The following CDH4 variants were observed in gnomAD, a reference collection of about 807,000 sequenced individuals.
CDH4 encodes the protein cadherin-4.
A neutral mutation model predicts 86.0 loss-of-function variants in CDH4; 33 were observed. That is an observed-to-expected ratio of 0.38 (90% CI 0.29 to 0.51). The LOEUF (loss-of-function observed/expected upper bound fraction) is 0.51. Ranked by LOEUF, CDH4 falls within the 20% of genes least tolerant of loss-of-function variation. The pLI, the probability that CDH4 is intolerant of heterozygous loss-of-function variation, is 0.86. For missense variants in CDH4, 1,114 were observed against 1,307.4 expected, an observed-to-expected ratio of 0.85 and a Z score of 2.28; for synonymous variants, 555 against 549.4, an observed-to-expected ratio of 1.01 and a Z score of -0.14.
At chr20:61,473,803 GCA>G (rs1051706674) in intron 2 of CDH4, among the ~76,000 whole-genome samples, 1 of 151,556 alleles carries the variant, frequency 6.6e-6, no homozygotes, top group Non-Finnish European at 1.5e-5. Flanking sequence ...ACTCACAGAC[GCA>G]CACAGACACT....
At position 61,623,254 on chromosome 20, in the gene CDH4, C is replaced by T. The variant is rs1309753770; in HGVS notation, c.170-120309C>T. ...CTGCACCCCACTCACCACACTGCGG[C>T]GCCTGCTTTTTCCTTGAGCATCTGG... On this transcript the variant is annotated intron_variant, in intron 2 of 15. Coordinates refer to ENST00000614565, the MANE Select transcript of CDH4 (RefSeq NM_001794.5). The surrounding 1 kb of genome is among the most constrained non-coding windows in gnomAD (Gnocchi z 4.4). Among the ~76,000 whole-genome samples the T allele has an allele frequency of 6.6e-6, 1 of 152,124 alleles. No homozygotes were observed. Among genetic ancestry groups the T allele is most frequent in the South Asian group, 2.1e-4 (1 of 4,814 alleles).
chr20:61,859,014 G>A (rs979271994), intron 6 of CDH4, among the ~76,000 whole-genome samples: 2 of 152,262 alleles, frequency 1.3e-5, no homozygotes, highest in African/African-American at 4.8e-5. Flanking sequence ...CTGCCCCATC[G>A]CACACTCATC....
chr20:61,289,672 G>A (rs567402278), intron 2 of CDH4, among the ~76,000 whole-genome samples: 272 of 151,990 alleles, frequency 1.8e-3, no homozygotes, highest in Admixed American at 4.8e-3. Context: ...CATATCCAAC[G>A]AGACTTGCTG....
Position 61,720,287 on chromosome 20 carries a change from C to T in CDH4, c.170-23276C>T, listed in dbSNP as rs187128686. Reference sequence around the variant, plus strand: ...TGCTCTATGGGCCGCACCTCCTGGCCCCCCATCCTGCTCCGGATTCCACAG... The same window carrying T: ...TGCTCTATGGGCCGCACCTCCTGGCTCCCCATCCTGCTCCGGATTCCACAG... On this transcript the variant is annotated intron_variant, in intron 2 of 15. Transcript: ENST00000614565. 5.3e-5 allele frequency among the ~76,000 whole-genome samples: 8 copies of T among 152,236 alleles called. No homozygotes were observed. In the East Asian group the frequency reaches 1.4e-3, roughly 26 times the overall value.
intron 6 of CDH4, among the ~76,000 whole-genome samples, chr20:61,857,546 T>C (rs1983073225): frequency 6.6e-6 from 1 of 152,206 alleles, no homozygotes; most frequent in African/African-American, 2.4e-5. Flanking sequence ...CGGAGGTGAC[T>C]AGGGGCCCCC....
At chr20:61,588,127 C>T (rs534784108) in intron 2 of CDH4, among the ~76,000 whole-genome samples, 7 of 152,270 alleles carry the variant, frequency 4.6e-5, no homozygotes, top group East Asian at 3.9e-4. Flanking sequence ...CTTAGCCAAG[C>T]GCTTAGCCTG....
intron 2 of CDH4, chr20:61,718,952 C>G (rs958580531): frequency 5.3e-5 from 25 of 470,982 alleles, no homozygotes; most frequent in Non-Finnish European, 3.5e-5. Flanking sequence ...AAGCAGGGGT[C>G]TTCTCTCCTC....
intron 2 of CDH4, among the ~76,000 whole-genome samples, chr20:61,526,479 G>T (rs2085911156): frequency 6.7e-6 from 1 of 150,204 alleles, no homozygotes; most frequent in African/African-American, 2.5e-5. Flanking sequence ...TCCCTGGCTT[G>T]TTTTTTTTTC....
intron 2 of CDH4, among the ~76,000 whole-genome samples, chr20:61,612,254 T>C (rs2086691032): frequency 6.6e-6 from 1 of 152,146 alleles, no homozygotes. Flanking sequence ...CTCTTTTAGC[T>C]ACTTCAAAAT....
chr20:61,616,456 C>A (rs983441865), intron 2 of CDH4, among the ~76,000 whole-genome samples: 1 of 152,182 alleles, frequency 6.6e-6, no homozygotes, highest in African/African-American at 2.4e-5. Flanking sequence ...GAAACAGCAG[C>A]CCACCCTGTG....
intron 2 of CDH4, among the ~76,000 whole-genome samples, chr20:61,701,069 G>A (rs547024320): frequency 4.6e-5 from 7 of 152,300 alleles, no homozygotes; most frequent in Admixed American, 2.0e-4. Flanking sequence ...GACGAAAGCC[G>A]TCAGAGAGCT....
chr20:61,864,124 A>G (rs1183965297), intron 6 of CDH4, among the ~76,000 whole-genome samples: 1 of 152,208 alleles, frequency 6.6e-6, no homozygotes, highest in African/African-American at 2.4e-5. Flanking sequence ...AGGGCCTAAG[A>G]CGGTGGAGGC....
intron 2 of CDH4, among the ~76,000 whole-genome samples, chr20:61,328,319 G>T (rs1462734567): frequency 6.6e-6 from 1 of 152,104 alleles, no homozygotes; most frequent in African/African-American, 2.4e-5. Context: ...AGGACTGCAG[G>T]TGCATGCCAC....
chr20:61,281,597 C>T (rs959873509), intron 2 of CDH4, among the ~76,000 whole-genome samples: 4 of 152,204 alleles, frequency 2.6e-5, no homozygotes, highest in East Asian at 1.9e-4. Context: ...GTCCCAGCCC[C>T]GCCTCCCGGC....
chr20:61,493,191 C>A (rs892967857), intron 2 of CDH4, among the ~76,000 whole-genome samples: 2 of 152,166 alleles, frequency 1.3e-5, no homozygotes, highest in African/African-American at 4.8e-5. Flanking sequence ...AGAATACAGG[C>A]CTGTGTCAGT....
intron 2 of CDH4, among the ~76,000 whole-genome samples, chr20:61,310,950 T>TG (rs547808599): frequency 5.3e-5 from 8 of 152,124 alleles, no homozygotes; most frequent in Non-Finnish European, 1.2e-4. Context: ...TCTGTGGTAC[T>TG]GGGGGGTAGG....
intron 9 of CDH4, among the ~76,000 whole-genome samples, chr20:61,921,558 C>T (rs1723559237): frequency 6.6e-6 from 1 of 152,202 alleles, no homozygotes; most frequent in South Asian, 2.1e-4. Context: ...TCAAGACCAG[C>T]CTGGTCAACA....
rs1226594752 is a variant in CDH4 at position 61,938,241 on chromosome 20, A to G, written c.*1298A>G. 1 of 152,342 alleles carries G rather than the reference A, an allele frequency of 6.6e-6. No individual in the cohort carries two copies. Among genetic ancestry groups the G allele is most frequent in the East Asian group, 1.9e-4 (1 of 5,200 alleles). The allele number at this position is 152,342 out of a possible 1,614,324, so 9.4% of individuals were successfully genotyped here. ...TGCTGTCCTCGAGGCTGGCACTGCT[A>G]TCTCCAGGGCTGGGTTGACTCAAGC... On this transcript the variant is annotated 3_prime_UTR_variant, in exon 16 of 16. Coordinates refer to ENST00000614565, the MANE Select transcript of CDH4 (RefSeq NM_001794.5).
At chr20:61,534,665 C>T (rs6061273) in intron 2 of CDH4, among the ~76,000 whole-genome samples, 4,400 of 75,850 alleles carry the variant, frequency 0.058, 320 homozygotes, top group African/African-American at 0.16. Flanking sequence ...TTCTTTCTTT[C>T]TTTTTTTTTT....
Sources: allele counts gnomAD v4.1 joint callset (sites outside exome capture counted in the v4.1 genomes callset), GRCh38; gene constraint gnomAD v4.1.1; non-coding constraint Gnocchi (gnomAD v3.1); transcripts MANE v1.5; gene names NCBI Gene and HGNC (gene_info 2026-07-23, HGNC 2026-07-21).